Variants in RHOJ observed in about 807,000 individuals in gnomAD.
RHOJ encodes the protein ras homolog family member J, also known as rho-related GTP-binding protein RhoJ.
Under a neutral mutation model 23.4 loss-of-function variants are expected in RHOJ, and 11 were observed. That is an observed-to-expected ratio of 0.47 (90% CI 0.30 to 0.78). RHOJ has a LOEUF of 0.78. Among genes scored for constraint, RHOJ ranks in the 30% least tolerant of loss-of-function variants. The pLI is 0.08. For missense variants in RHOJ, 254 were observed against 273.4 expected (o/e 0.93, Z 0.50); for synonymous variants, 102 against 102.7 (o/e 0.99, Z 0.04).
chr14:63,234,128 T>C (rs1260113840), intron 1 of RHOJ, among the ~76,000 whole-genome samples: 2 of 152,238 alleles, frequency 1.3e-5, no homozygotes, highest in Admixed American at 6.5e-5. Flanking sequence ...ACTCAAACTT[T>C]ACCTCCTTCT....
intron 1 of RHOJ, among the ~76,000 whole-genome samples, chr14:63,259,160 A>T (rs890405066): frequency 6.6e-6 from 1 of 152,158 alleles, no homozygotes; most frequent in African/African-American, 2.4e-5. Context: ...GGCTGGTCTC[A>T]AACTCCTGAC....
Position 63,272,591 on chromosome 14 carries a change from G to A in RHOJ, c.237+3423G>A, listed in dbSNP as rs552058461. Among the ~76,000 whole-genome samples the A allele has an allele frequency of 6.2e-4, 94 of 152,270 alleles. 2 individuals are homozygous for A. Among genetic ancestry groups the A allele is most frequent in the African/African-American group, 2.3e-3 (94 of 41,556 alleles). ...GGAACTCATTGTCTCAACCCTCAATGTCAGCGCTAAACAAAATCATTTGAC... is the reference window on the plus strand; with the variant it reads ...GGAACTCATTGTCTCAACCCTCAATATCAGCGCTAAACAAAATCATTTGAC... On this transcript the variant is annotated intron_variant, in intron 2 of 4. Coordinates refer to ENST00000316754, the MANE Select transcript of RHOJ (RefSeq NM_020663.5).
At chr14:63,223,377 C>T (rs1206661533) in intron 1 of RHOJ, among the ~76,000 whole-genome samples, 1 of 152,188 alleles carries the variant, frequency 6.6e-6, no homozygotes, top group Non-Finnish European at 1.5e-5. Context: ...TCCAAGTTTA[C>T]ATTTACACAT....
chr14:63,241,372 G>A (rs546711036), intron 1 of RHOJ, among the ~76,000 whole-genome samples: 1 of 152,246 alleles, frequency 6.6e-6, no homozygotes, highest in South Asian at 2.1e-4. Context: ...GAGAGGAAGA[G>A]ATTACTAATC....
intron 1 of RHOJ, among the ~76,000 whole-genome samples, chr14:63,210,525 C>A (rs1894212764): frequency 1.3e-5 from 2 of 152,148 alleles, no homozygotes; most frequent in Admixed American, 1.3e-4. Flanking sequence ...TACAAGTGTG[C>A]CTAAGAAACA....
In RHOJ at chr14:63,274,195, A is replaced by T. The variant is rs552279704; in HGVS notation, c.237+5027A>T. On this transcript the variant is annotated intron_variant, in intron 2 of 4. Transcript: ENST00000316754. ...TTCCCCTTTGCTATTGGCTGATCCA[A>T]TGGGGCCATCTGGAGCACAGGATCT... Among the ~76,000 whole-genome samples the T allele has an allele frequency of 1.3e-5, 2 of 152,164 alleles. 1 individual carries two copies. The highest frequency in any genetic ancestry group is 4.1e-4 in the South Asian group (2 of 4,828).
At chr14:63,268,987 G>A (rs1276620642) in intron 1 of RHOJ, 123 bp from the exon 2 acceptor site, 4 of 681,018 alleles carry the variant, frequency 5.9e-6, no homozygotes, top group Non-Finnish European at 1.0e-5. Flanking sequence ...GAATGTACAT[G>A]AGCGAGGCAT....
At chr14:63,258,942 T>C (rs1008599809) in intron 1 of RHOJ, among the ~76,000 whole-genome samples, 4 of 152,208 alleles carry the variant, frequency 2.6e-5, no homozygotes, top group African/African-American at 9.7e-5. Flanking sequence ...ATTTTTTAAA[T>C]GCTTTGTTTT....
At chr14:63,244,632 G>A (rs7151486) in intron 1 of RHOJ, among the ~76,000 whole-genome samples, 58,299 of 151,982 alleles carry the variant, frequency 0.38, 15,426 homozygotes, top group African/African-American at 0.75. Context: ...TTGAAAATTA[G>A]TAATGGCTAC....
intron 1 of RHOJ, among the ~76,000 whole-genome samples, chr14:63,233,854 C>T (rs1378167599): frequency 6.6e-6 from 1 of 152,194 alleles, no homozygotes; most frequent in Non-Finnish European, 1.5e-5. Context: ...GCACATCAAT[C>T]CTCTGACCAA....
chr14:63,289,752 T>C (rs948483399), intron 4 of RHOJ, among the ~76,000 whole-genome samples: 1 of 152,224 alleles, frequency 6.6e-6, no homozygotes, highest in Admixed American at 6.5e-5. Context: ...AAACACACCA[T>C]AGTATGAAAT....
intron 1 of RHOJ, among the ~76,000 whole-genome samples, chr14:63,239,285 T>C (rs1166280800): frequency 6.6e-6 from 1 of 152,102 alleles, no homozygotes; most frequent in Non-Finnish European, 1.5e-5. Flanking sequence ...CTAATTTTTA[T>C]ATTTTTAATA....
At chr14:63,250,137 C>T (rs1895043801) in intron 1 of RHOJ, among the ~76,000 whole-genome samples, 1 of 152,178 alleles carries the variant, frequency 6.6e-6, no homozygotes, top group Admixed American at 6.5e-5. Context: ...TTTCCCTGGG[C>T]CACTGTAATA....
chr14:63,264,503 A>G (rs1023681979), intron 1 of RHOJ, among the ~76,000 whole-genome samples: 2 of 152,184 alleles, frequency 1.3e-5, no homozygotes, highest in Non-Finnish European at 2.9e-5. Flanking sequence ...TCTTTTTGGG[A>G]GAACAGTTTT....
intron 2 of RHOJ, among the ~76,000 whole-genome samples, chr14:63,277,651 A>G (rs566711809): frequency 9.2e-5 from 14 of 152,176 alleles, no homozygotes; most frequent in Non-Finnish European, 1.5e-5. Flanking sequence ...TTGAATATTT[A>G]CTGCGGAAAG....
intron 1 of RHOJ, among the ~76,000 whole-genome samples, chr14:63,212,041 G>A (rs1894248899): frequency 6.6e-6 from 1 of 152,206 alleles, no homozygotes; most frequent in Admixed American, 6.5e-5. Context: ...CAGTAGGGCT[G>A]CTTTCTTCCA....
chr14:63,248,119 T>C (rs1326863652), intron 1 of RHOJ, among the ~76,000 whole-genome samples: 2 of 152,220 alleles, frequency 1.3e-5, no homozygotes, highest in Non-Finnish European at 2.9e-5. Context: ...GGCCAAACCA[T>C]ATTAAGTATC....
At chr14:63,219,923 A>G (rs1283625514) in intron 1 of RHOJ, among the ~76,000 whole-genome samples, 4 of 152,204 alleles carry the variant, frequency 2.6e-5, no homozygotes, top group Non-Finnish European at 5.9e-5. Flanking sequence ...GCAGCAGTAC[A>G]TTAACTTAAC....
At chr14:63,209,026 C>T (rs762065651) in intron 1 of RHOJ, among the ~76,000 whole-genome samples, 7 of 152,024 alleles carry the variant, frequency 4.6e-5, no homozygotes, top group Non-Finnish European at 1.0e-4. Flanking sequence ...TGACAACATT[C>T]CCCTCCCTTT....
Sources: gnomAD v4.1 joint callset for allele counts (sites outside exome capture counted in the v4.1 genomes callset) on GRCh38, gnomAD v4.1.1 for gene constraint, MANE v1.5 for transcripts, NCBI Gene and HGNC (gene_info 2026-07-23, HGNC 2026-07-21) for gene names.